FRYL: variants seen among roughly 807,000 people sequenced by gnomAD.
The protein encoded by FRYL is FRY like transcription coactivator, also known as protein furry homolog-like.
In FRYL, 150 loss-of-function variants were observed where a neutral mutation model predicts 351.2. The observed-to-expected ratio is 0.43, with a 90% confidence interval of 0.37 to 0.49. FRYL has a LOEUF of 0.49. Among genes scored for constraint, FRYL ranks in the 20% least tolerant of loss-of-function variants. The probability of loss-of-function intolerance (pLI) is 0.00; values close to 1 mark genes in which losing one functional copy is unlikely to be tolerated. For synonymous variants in FRYL, 1,153 were observed against 1,257.1 expected, an observed-to-expected ratio of 0.92 and a Z score of 1.75; for missense variants, 3,036 against 3,619.3, an observed-to-expected ratio of 0.84 and a Z score of 4.13.
At chr4:48,687,492 C>CGGGGGGGGGGGGAGGGGGGGGGG (rs1765255777) in intron 2 of FRYL, among the ~76,000 whole-genome samples, 1 of 46,566 alleles carries the variant, frequency 2.1e-5, no homozygotes, top group African/African-American at 1.1e-4. Flanking sequence ...CAAATGAGGT[C>CGGGGGGGGGGGGAGGGGGGGGGG]GGGGGGGGGG....
At chr4:48,700,019 G>A (rs1316906417) in intron 2 of FRYL, among the ~76,000 whole-genome samples, 1 of 152,042 alleles carries the variant, frequency 6.6e-6, no homozygotes, top group Non-Finnish European at 1.5e-5. Flanking sequence ...TATAATAAAG[G>A]AACAGAGTCC....
At chr4:48,505,798 A>T in intron 59 of FRYL, 183 bp from the exon 60 acceptor site, 2 of 515,336 alleles carry the variant, frequency 3.9e-6, no homozygotes, top group Non-Finnish European at 6.8e-6. Context: ...CAGGGATAGC[A>T]TTAATGTAAC....
intron 1 of FRYL, among the ~76,000 whole-genome samples, chr4:48,759,805 G>T (rs1313576719): frequency 6.6e-6 from 1 of 152,102 alleles, no homozygotes; most frequent in Non-Finnish European, 1.5e-5. Context: ...GATGACATTA[G>T]GCCCAGCCAG....
chr4:48,573,843 G>A (rs1390327867), intron 25 of FRYL, among the ~76,000 whole-genome samples: 2 of 152,052 alleles, frequency 1.3e-5, no homozygotes, highest in African/African-American at 2.4e-5. Flanking sequence ...GAGCCACCGC[G>A]CCTGGCCTAT....
At chr4:48,573,025 A>G (rs1227979598) in intron 26 of FRYL, among the ~76,000 whole-genome samples, 161 bp downstream of exon 26, 1 of 152,174 alleles carries the variant, frequency 6.6e-6, no homozygotes, top group Non-Finnish European at 1.5e-5. Flanking sequence ...GTTTTACATA[A>G]TGGGTTTCTG....
intron 59 of FRYL, among the ~76,000 whole-genome samples, chr4:48,507,081 G>A (rs1224866615): frequency 6.6e-6 from 1 of 152,012 alleles, no homozygotes. Flanking sequence ...GCCTTATCTT[G>A]TCCAGTTTGT....
At chr4:48,623,025 T>A (rs905837520) in intron 5 of FRYL, 101 bp downstream of exon 5, 2 of 713,038 alleles carry the variant, frequency 2.8e-6, no homozygotes, top group African/African-American at 3.7e-5. Context: ...CAAGGATATA[T>A]AGAAATTAAG....
At chr4:48,544,741 C>T (rs1730972021) in intron 43 of FRYL, 42 bp downstream of exon 43, 1 of 1,514,994 alleles carries the variant, frequency 6.6e-7, no homozygotes, top group Non-Finnish European at 8.9e-7. Context: ...ATTGACATCA[C>T]ATTAAAATGT....
intron 1 of FRYL, among the ~76,000 whole-genome samples, chr4:48,738,208 A>G (rs1233505997): frequency 6.6e-6 from 1 of 152,218 alleles, no homozygotes; most frequent in Non-Finnish European, 1.5e-5. Context: ...AGAAAAGCCA[A>G]AAGAATTAAC....
chr4:48,632,345 T>A (rs2149363955), intron 4 of FRYL, among the ~76,000 whole-genome samples: 1 of 150,146 alleles, frequency 6.7e-6, no homozygotes, highest in Middle Eastern at 3.5e-3. Flanking sequence ...CCATAATAAA[T>A]TCTTCAATTT....
rs1727558798 is a variant in FRYL, at chr4:48,531,315, C to T, written c.6744G>A (p.Leu2248=). Reference sequence around the variant, plus strand: ...CAAGACTCGCAGAGCGTGACACCACCAGCTTTAATATGTTAAGGGCTTCCT... The same window carrying T: ...CAAGACTCGCAGAGCGTGACACCACTAGCTTTAATATGTTAAGGGCTTCCT... ...YWKEALNILK[L]VVSRSASLVV... Residue 2248 remains leucine, a synonymous_variant, in exon 50 of 64, where the codon CTG becomes CTA. Coordinates refer to ENST00000358350, the MANE Select transcript of FRYL (RefSeq NM_015030.2). The T allele has an allele frequency of 1.2e-6, 2 of 1,613,610 alleles. No homozygotes were observed. Among genetic ancestry groups the T allele is most frequent in the African/African-American group, 2.7e-5 (2 of 74,878 alleles).
At chr4:48,599,739 C>T (rs1301789459) in intron 13 of FRYL, among the ~76,000 whole-genome samples, 1 of 152,124 alleles carries the variant, frequency 6.6e-6, no homozygotes. Context: ...GCCTCATGTA[C>T]AGTAAAAATC....
intron 4 of FRYL, among the ~76,000 whole-genome samples, chr4:48,630,925 A>C (rs1752843194): frequency 6.6e-6 from 1 of 152,234 alleles, no homozygotes; most frequent in African/African-American, 2.4e-5. Context: ...CTGAACCCAG[A>C]GAGTCATCTT....
chr4:48,684,678 C>G lies in FRYL; in HGVS notation c.-86G>C, dbSNP rs1560857508. 1 of 152,180 alleles carries G rather than the reference C, an allele frequency of 6.6e-6. No individual in the cohort carries two copies. Among genetic ancestry groups the G allele is most frequent in the Non-Finnish European group, 1.5e-5 (1 of 68,020 alleles). The allele number at this position is 152,180 out of a possible 1,614,324, so 9.4% of individuals were successfully genotyped here. A position where few individuals can be genotyped will look rare whatever the true frequency, so the allele number is the denominator to read the frequency against. ...AATATTTACTATAATCTTACCGTAT[C>G]ACTTGAGACAGTAATTTCTTGGTGA... On this transcript the variant is annotated 5_prime_UTR_variant, in exon 3 of 64. Transcript: ENST00000358350.
intron 1 of FRYL, among the ~76,000 whole-genome samples, chr4:48,766,253 C>T (rs747284960): frequency 7.2e-5 from 11 of 152,190 alleles, no homozygotes; most frequent in South Asian, 2.1e-4. Context: ...GAACTACACA[C>T]GATGGCTACA....
At chr4:48,678,762 A>G (rs1254895984) in intron 3 of FRYL, among the ~76,000 whole-genome samples, 1 of 152,152 alleles carries the variant, frequency 6.6e-6, no homozygotes, top group Non-Finnish European at 1.5e-5. Flanking sequence ...AAATTTCAAC[A>G]TACATCAGAT....
Position 48,540,154 on chromosome 4 carries a change from G to T in FRYL, c.6296-86C>A, listed in dbSNP as rs1729846010. ...AAGTTATTTTTTTAGATGGTTCACAGAAACCATTTTCTTTTCATTTCCTGG... is the reference window on the plus strand; with the variant it reads ...AAGTTATTTTTTTAGATGGTTCACATAAACCATTTTCTTTTCATTTCCTGG... On this transcript the variant is annotated intron_variant, in intron 46 of 63. Coordinates refer to ENST00000358350, the MANE Select transcript of FRYL (RefSeq NM_015030.2). The T allele has an allele frequency of 3.9e-5, 47 of 1,211,662 alleles. 1 individual carries two copies. In the South Asian group the frequency reaches 6.4e-4, roughly 16 times the overall value. 75.1% of individuals were successfully genotyped at this position (1,211,662 alleles called of 1,614,324 possible).
At chr4:48,681,424 T>C (rs1465280157) in intron 3 of FRYL, among the ~76,000 whole-genome samples, 1 of 152,136 alleles carries the variant, frequency 6.6e-6, no homozygotes, top group Non-Finnish European at 1.5e-5. Context: ...ATATTGAGCG[T>C]CCATCTAGTT....
intron 4 of FRYL, among the ~76,000 whole-genome samples, chr4:48,632,098 A>ATATATATATATATATGTATG (rs1553957562): frequency 4.7e-5 from 1 of 21,478 alleles, no homozygotes; most frequent in Non-Finnish European, 1.1e-4. Context: ...AAAAATATAT[A>ATATATATATATATATGTATG]TATATATATA....
Sources: allele counts gnomAD v4.1 joint callset (sites outside exome capture counted in the v4.1 genomes callset), GRCh38; gene constraint gnomAD v4.1.1; transcripts MANE v1.5; gene names NCBI Gene and HGNC (gene_info 2026-07-23, HGNC 2026-07-21).